Variants in TERT observed in about 807,000 individuals in gnomAD.
The protein encoded by TERT is telomerase reverse transcriptase.
Under a neutral mutation model 104.0 loss-of-function variants are expected in TERT, and 42 were observed. The ratio of observed to expected loss-of-function variants is 0.40; its 90% CI spans 0.32 to 0.52. The LOEUF (loss-of-function observed/expected upper bound fraction) is 0.52. TERT is among the 20% of genes least tolerant of loss of function. The pLI is 0.43. For missense variants in TERT, 1,101 were observed against 1,610.3 expected (o/e 0.68, Z 5.41); for synonymous variants, 781 against 725.6 (o/e 1.08, Z -1.23).
At position 1,258,617 on chromosome 5, in the gene TERT, G is replaced by A; in HGVS notation, c.3013C>T (p.Leu1005Phe). 1 of 1,571,492 alleles carries A rather than the reference G, an allele frequency of 6.4e-7. No homozygotes were observed. Among genetic ancestry groups the A allele is most frequent in the Non-Finnish European group, 8.6e-7 (1 of 1,157,444 alleles). The change falls in exon 13 of 16, where the codon CTC (leucine) becomes TTC (phenylalanine). Residue 1005 changes from leucine (L) to phenylalanine (F), a missense_variant. This residue lies in a region of TERT where 463 missense variants were observed against 797.5 expected (regional missense o/e 0.58). Transcript: ENST00000310581. ...GCTCACCTGTACGCCTGCAGCAGGA[G>A]GATCTTGTAGATGTTGGTGCACACC... ...QTVCTNIYKI[L>F]LLQAYRFHAC... is the part of the protein sequence containing the mutation.
intron 4 of TERT, 152 bp from the exon 5 acceptor site, chr5:1,279,622 G>T: frequency 1.3e-6 from 1 of 780,204 alleles, no homozygotes; most frequent in East Asian, 2.7e-5. Context: ...CTCAGACCCT[G>T]TTTGAAACGG....
intron 11 of TERT, chr5:1,264,187 A>G: frequency 1.7e-6 from 1 of 596,686 alleles, no homozygotes; most frequent in Non-Finnish European, 3.0e-6. Context: ...TTTTACCAAA[A>G]TAGCACAGAA....
At chr5:1,271,938 A>G (rs976153592) in intron 7 of TERT, among the ~76,000 whole-genome samples, 1 of 152,256 alleles carries the variant, frequency 6.6e-6, no homozygotes, top group African/African-American at 2.4e-5. Flanking sequence ...GAACAAAGGC[A>G]CTGCGGAACT....
intron 2 of TERT, among the ~76,000 whole-genome samples, chr5:1,289,206 G>C (rs1194754532): frequency 6.8e-6 from 1 of 147,740 alleles, no homozygotes; most frequent in Non-Finnish European, 1.5e-5. Flanking sequence ...GGACACCCGG[G>C]GACGGCGCCT....
At position 1,255,551 on chromosome 5, in the gene TERT, C is replaced by T. The variant is rs549952782; in HGVS notation, c.3033-140G>A. 1.7e-5 allele frequency: 18 copies of T among 1,038,634 alleles called. 1 individual carries two copies. The highest frequency in any genetic ancestry group is 2.6e-4 in the Middle Eastern group (1 of 3,812). 64.3% of individuals were successfully genotyped at this position (1,038,634 alleles called of 1,614,324 possible). On this transcript the variant is annotated intron_variant, in intron 13 of 15. Coordinates refer to ENST00000310581, the MANE Select transcript of TERT (RefSeq NM_198253.3). The surrounding 1 kb of genome is among the most constrained non-coding windows in gnomAD (Gnocchi z 6.9). ...TTCCTCATGGGCACAGGTGCACACA[C>T]ACGGATGCATGCATGCATGTCTGTG...
intron 6 of TERT, among the ~76,000 whole-genome samples, chr5:1,272,546 A>C (rs1749137595): frequency 7.8e-6 from 1 of 127,686 alleles, no homozygotes; most frequent in Non-Finnish European, 1.6e-5. Context: ...TCACCACATC[A>C]GACCCCACGA....
In TERT at chr5:1,286,144, C is replaced by T. The variant is rs1032382940; in HGVS notation, c.1574-3520G>A. Among the ~76,000 whole-genome samples, 2 of 152,266 alleles carry T rather than the reference C, an allele frequency of 1.3e-5. No homozygotes were observed. Among genetic ancestry groups the T allele is most frequent in the East Asian group, 1.9e-4 (1 of 5,156 alleles). Reference sequence around the variant, plus strand: ...CTCACTGGCTAAGGAACGCTGGCCACGTGGTGCTCCAGACACTCACGGGCC... The same window carrying T: ...CTCACTGGCTAAGGAACGCTGGCCATGTGGTGCTCCAGACACTCACGGGCC... On this transcript the variant is annotated intron_variant, in intron 2 of 15. Transcript: ENST00000310581. The surrounding 1 kb of genome is among the most constrained non-coding windows in gnomAD (Gnocchi z 5.3).
At position 1,253,831 on chromosome 5, in the gene TERT, G is replaced by A. The variant is rs1747517396; in HGVS notation, c.3296C>T (p.Ala1099Val). The A allele has an allele frequency of 6.2e-7, 1 of 1,607,300 alleles. No homozygotes were observed. The highest frequency in any genetic ancestry group is 1.1e-5 in the South Asian group (1 of 89,416). Residue 1099 changes from alanine to valine, a missense_variant and splice_region_variant, in exon 16 of 16, where the codon GCC becomes GTC. Physicochemically the swap from Ala to Val is moderately conservative, Grantham distance 64. Coordinates refer to ENST00000310581, the MANE Select transcript of TERT (RefSeq NM_198253.3). ...GAGCTTCCGACTCAGCTGCGTCTGG[G>A]CTGCGGGGCCAAAATCAGACTCCGT... ...YVPLLGSLRT[A>V]QTQLSRKLPG... is the part of the protein sequence containing the mutation.
intron 15 of TERT, 44 bp downstream of exon 15, chr5:1,254,324 C>A (rs894198445): frequency 6.2e-7 from 1 of 1,612,540 alleles, no homozygotes; most frequent in South Asian, 1.1e-5. Flanking sequence ...TCAAGGATGA[C>A]CCCTGGGCAG....
In TERT at chr5:1,268,394, G is replaced by A; in HGVS notation, c.2582+126C>T. 1 of 769,298 alleles carries A rather than the reference G, an allele frequency of 1.3e-6. No individual in the cohort carries two copies. The allele number at this position is 769,298 out of a possible 1,614,324, so 47.7% of individuals were successfully genotyped here. A position where few individuals can be genotyped will look rare whatever the true frequency, so the allele number is the denominator to read the frequency against. On this transcript the variant is annotated intron_variant, in intron 9 of 15. Transcript: ENST00000310581. This position sits in a 1 kb window ranked among gnomAD's most constrained non-coding sequence, Gnocchi z 5.5. ...TGCGGCTTCATACCAAGAAGGGGCT[G>A]CAACCTTGTCTGGTTCCTCAAGACA...
Position 1,257,584 on chromosome 5 carries a change from TG to T in TERT, c.3032+1013del, listed in dbSNP as rs35526657. 4.6e-5 allele frequency among the ~76,000 whole-genome samples: 7 copies of T among 152,314 alleles called. No homozygotes were observed. The highest frequency in any genetic ancestry group is 4.6e-4 in the Admixed American group (7 of 15,300). ...GACGCACCCTGGAACTGAGACAGCC[TG>T]GTCCCAAGCCTCTGGAGCTGGTGCA... On this transcript the variant is annotated intron_variant, in intron 13 of 15. Coordinates refer to ENST00000310581, the MANE Select transcript of TERT (RefSeq NM_198253.3). The surrounding 1 kb of genome is among the most constrained non-coding windows in gnomAD (Gnocchi z 5.6).
Position 1,272,387 on chromosome 5 carries a change from G to A in TERT, c.2287-107C>T, listed in dbSNP as rs1463622857. ...GTGTGGACCTGCGGCCAAGCCCGAT[G>A]GCGGGATGAAGCCCAGAGAGCGCCT... On this transcript the variant is annotated intron_variant, in intron 6 of 15. Coordinates refer to ENST00000310581, the MANE Select transcript of TERT (RefSeq NM_198253.3). 3.8e-6 allele frequency: 4 copies of A among 1,040,930 alleles called. No homozygotes were observed. In the African/African-American group the frequency reaches 4.8e-5, roughly 12 times the overall value. 64.5% of individuals were successfully genotyped at this position (1,040,930 alleles called of 1,614,324 possible).
In TERT at chr5:1,270,951, C is replaced by T. The variant is rs906103554; in HGVS notation, c.2468+168G>A. On this transcript the variant is annotated intron_variant, in intron 8 of 15. Transcript: ENST00000310581. The surrounding 1 kb of genome is among the most constrained non-coding windows in gnomAD (Gnocchi z 8.3). ...CGCAAGCCGAGCCATGTTTCCGGGG[C>T]CTCGGGAGCCTGCAGCCCAGGAGCC... 5.8e-4 allele frequency among the ~76,000 whole-genome samples: 88 copies of T among 152,352 alleles called. No homozygotes were observed. Among genetic ancestry groups the T allele is most frequent in the African/African-American group, 2.1e-3 (86 of 41,588 alleles).
Position 1,270,926 on chromosome 5 carries a change from C to T in TERT, c.2468+193G>A, listed in dbSNP as rs1418295443. Among the ~76,000 whole-genome samples, 5 of 152,228 alleles carry T rather than the reference C, an allele frequency of 3.3e-5. No homozygotes were observed. Among genetic ancestry groups the T allele is most frequent in the Admixed American group, 6.5e-5 (1 of 15,288 alleles). Reference sequence around the variant, plus strand: ...GTGGCACCTGCTCCGCTCCGGCTGCCGCAAGCCGAGCCATGTTTCCGGGGC... The same window carrying T: ...GTGGCACCTGCTCCGCTCCGGCTGCTGCAAGCCGAGCCATGTTTCCGGGGC... On this transcript the variant is annotated intron_variant, in intron 8 of 15. Coordinates refer to ENST00000310581, the MANE Select transcript of TERT (RefSeq NM_198253.3). The surrounding 1 kb of genome is among the most constrained non-coding windows in gnomAD (Gnocchi z 8.3).
Position 1,270,773 on chromosome 5 carries a change from G to C in TERT, c.2468+346C>G, listed in dbSNP as rs1463810291. Among the ~76,000 whole-genome samples the C allele has an allele frequency of 1.3e-5, 2 of 152,364 alleles. No homozygotes were observed. Among genetic ancestry groups the C allele is most frequent in the Admixed American group, 1.3e-4 (2 of 15,312 alleles). On this transcript the variant is annotated intron_variant, in intron 8 of 15. Coordinates refer to ENST00000310581, the MANE Select transcript of TERT (RefSeq NM_198253.3). The surrounding 1 kb of genome is among the most constrained non-coding windows in gnomAD (Gnocchi z 8.3). ...TGTGAGAGCCGGGTGTCCAGCGTCA[G>C]TAGTAACTTGGAGCTGACAAGCTGC...
In TERT at chr5:1,268,352, C is replaced by G. The variant is rs1748764702; in HGVS notation, c.2582+168G>C. ...CTGCGTGGAGCCCGCAGTCCTCAGG[C>G]TGTGCAACCCCTCCCGTGCGGCTTC... On this transcript the variant is annotated intron_variant, in intron 9 of 15. Transcript: ENST00000310581. This position sits in a 1 kb window ranked among gnomAD's most constrained non-coding sequence, Gnocchi z 5.5. Among the ~76,000 whole-genome samples the G allele has an allele frequency of 1.3e-5, 2 of 152,244 alleles. No homozygotes were observed. Among genetic ancestry groups the G allele is most frequent in the South Asian group, 4.1e-4 (2 of 4,834 alleles).
rs1751241995 is a variant in TERT at position 1,294,406 on chromosome 5, C to T, written c.480G>A (p.Val160=). 6.3e-7 allele frequency: 1 copy of T among 1,587,918 alleles called. No homozygotes were observed. Among genetic ancestry groups the T allele is most frequent in the Non-Finnish European group, 8.5e-7 (1 of 1,175,060 alleles). Reference sequence around the variant, plus strand: ...GGTAGGCGCAGCTGGGAGCCACCAGCACAAAGAGCGCGCAGCGTGCCAGCA... The same window carrying T: ...GGTAGGCGCAGCTGGGAGCCACCAGTACAAAGAGCGCGCAGCGTGCCAGCA... ...VHLLARCALF[V]LVAPSCAYQV... is the part of the protein sequence containing the mutation. Residue 160 remains valine (V), a synonymous_variant, in exon 2 of 16, where the codon GTG becomes GTA. Transcript: ENST00000310581.
chr5:1,253,477 C>T lies in TERT; in HGVS notation c.*251G>A, dbSNP rs34527601. 8.8e-4 allele frequency: 515 copies of T among 583,288 alleles called. 3 individuals are homozygous for T. The East Asian group carries it at 0.014, about 16-fold the overall frequency. 36.1% of individuals were successfully genotyped at this position (583,288 alleles called of 1,614,324 possible). A position where few individuals can be genotyped will look rare whatever the true frequency, so the allele number is the denominator to read the frequency against. ...AAGCTGGCCCTGGGGTGGAGCCGAG[C>T]GCCAGCCTGTGGGGAAGTGAAGACG... On this transcript the variant is annotated 3_prime_UTR_variant, in exon 16 of 16. Coordinates refer to ENST00000310581, the MANE Select transcript of TERT (RefSeq NM_198253.3).
intron 11 of TERT, 62 bp from the exon 12 acceptor site, chr5:1,260,662 A>G (rs754038290): frequency 1.0e-5 from 16 of 1,606,336 alleles, no homozygotes; most frequent in Middle Eastern, 1.8e-4. Context: ...CCCTCCTGCA[A>G]AGCTTGCTCC....
Sources: allele counts gnomAD v4.1 joint callset (sites outside exome capture counted in the v4.1 genomes callset), GRCh38; gene constraint gnomAD v4.1.1; regional missense constraint gnomAD v4.1.1; non-coding constraint Gnocchi (gnomAD v3.1); transcripts MANE v1.5; gene names NCBI Gene and HGNC (gene_info 2026-07-23, HGNC 2026-07-21).